CES5A: variants seen among roughly 807,000 people sequenced by gnomAD.
CES5A encodes carboxylesterase 5A.
In CES5A, 67 loss-of-function variants were observed where a neutral mutation model predicts 62.9. The ratio of observed to expected loss-of-function variants is 1.07; its 90% CI spans 0.88 to 1.31. CES5A has a LOEUF of 1.31. Among genes scored for constraint, CES5A ranks in the 50% most tolerant of loss-of-function variants. The pLI, the probability that CES5A is intolerant of heterozygous loss-of-function variation, is 0.00. For missense variants in CES5A, 748 were observed against 708.5 expected (o/e 1.06, Z -0.63); for synonymous variants, 296 against 280.8 (o/e 1.05, Z -0.54).
chr16:55,946,192 C>T (rs1330026714), intron 2 of CES5A, among the ~76,000 whole-genome samples: 1 of 152,160 alleles, frequency 6.6e-6, no homozygotes, highest in African/African-American at 2.4e-5. Context: ...TTTGACAAGA[C>T]TCAATTCTAA....
upstream of CES5A, among the ~76,000 whole-genome samples, chr16:55,876,660 T>A (rs1015974869): frequency 2.6e-5 from 4 of 152,146 alleles, no homozygotes; most frequent in African/African-American, 9.7e-5. Flanking sequence ...TAGTGAAGGG[T>A]TCTCCAGGAG....
chr16:55,955,002 A>G (rs1361166626), intron 1 of CES5A, among the ~76,000 whole-genome samples: 6 of 152,152 alleles, frequency 3.9e-5, no homozygotes, highest in Non-Finnish European at 5.9e-5. Context: ...AAATTGTCCA[A>G]ATGTCCTCCA....
chr16:55,871,976 G>A (rs2033599208), intron 2 of CES5A: 2 of 517,332 alleles, frequency 3.9e-6, no homozygotes, highest in African/African-American at 1.9e-5. Flanking sequence ...TGGTTCCTGG[G>A]TAGGAAAGCA....
upstream of CES5A, among the ~76,000 whole-genome samples, chr16:55,927,617 A>G (rs1350797164): frequency 6.6e-6 from 1 of 152,186 alleles, no homozygotes; most frequent in African/African-American, 2.4e-5. Context: ...TCAAAAATCA[A>G]TAGATGTTGG....
At chr16:55,882,969 TA>T (rs2033777065) in intron 1 of CES5A, among the ~76,000 whole-genome samples, 1 of 152,220 alleles carries the variant, frequency 6.6e-6, no homozygotes, top group African/African-American at 2.4e-5. Flanking sequence ...GAGAGGCAGC[TA>T]ACCCTGTAAC....
chr16:55,900,999 T>C lies in CES5A; in HGVS notation c.-256+24324A>G, dbSNP rs143150778. On this transcript the variant is annotated intron_variant, in intron 1 of 12. Coordinates refer to the CES5A transcript ENST00000518005. ...GAGAGCTGCCCACCTCTCTCATACC[T>C]AGGCCAGGGGCCTCATATGGTTTGG... 2.3e-3 allele frequency among the ~76,000 whole-genome samples: 350 copies of C among 152,308 alleles called. 1 individual carries two copies. The highest frequency in any genetic ancestry group is 7.9e-3 in the African/African-American group (328 of 41,562).
chr16:55,924,729 A>C (rs571931673), intron 1 of CES5A, among the ~76,000 whole-genome samples: 1 of 152,140 alleles, frequency 6.6e-6, no homozygotes, highest in Admixed American at 6.5e-5. Flanking sequence ...AGACACATAG[A>C]CCAATGAAAC....
At chr16:55,869,227 C>T (rs558293427) in intron 4 of CES5A, among the ~76,000 whole-genome samples, 4 of 152,302 alleles carry the variant, frequency 2.6e-5, no homozygotes, top group South Asian at 2.1e-4. Flanking sequence ...CACCTGCAGG[C>T]TGGGCCAGGA....
At chr16:55,931,518 T>C (rs780048087) in intron 2 of CES5A, among the ~76,000 whole-genome samples, 6 of 152,180 alleles carry the variant, frequency 3.9e-5, no homozygotes, top group Non-Finnish European at 8.8e-5. Flanking sequence ...CTCCACCCTA[T>C]CTCTTGCTAT....
At chr16:55,849,833 G>C (rs2033094421) in intron 10 of CES5A, 60 bp from the exon 11 acceptor site, 24 of 1,572,632 alleles carry the variant, frequency 1.5e-5, no homozygotes, top group Non-Finnish European at 2.1e-5. Flanking sequence ...GGCTGGCTCT[G>C]TGTCCCCACC....
intron 1 of CES5A, among the ~76,000 whole-genome samples, chr16:55,951,773 C>T (rs757070307): frequency 5.9e-5 from 9 of 152,112 alleles, no homozygotes; most frequent in Non-Finnish European, 8.8e-5. Context: ...TTTATGCACC[C>T]AATAACTTAG....
At chr16:55,856,142 A>G (rs566989537) in intron 9 of CES5A, among the ~76,000 whole-genome samples, 2 of 152,240 alleles carry the variant, frequency 1.3e-5, no homozygotes, top group South Asian at 4.2e-4. Flanking sequence ...CTTCCTGTAC[A>G]GCCTGCAGCA....
At chr16:55,883,668 A>G (rs964940837) in intron 1 of CES5A, among the ~76,000 whole-genome samples, 1 of 152,136 alleles carries the variant, frequency 6.6e-6, no homozygotes, top group African/African-American at 2.4e-5. Context: ...TAACTTGGCC[A>G]TGAAGTGGGA....
At chr16:55,916,723 G>T (rs1420977610) in intron 1 of CES5A, among the ~76,000 whole-genome samples, 2 of 152,118 alleles carry the variant, frequency 1.3e-5, no homozygotes, top group African/African-American at 4.8e-5. Context: ...AGTAAACACA[G>T]CTTTAGTGGA....
At chr16:55,865,789 T>C (rs2033444331) in intron 5 of CES5A, among the ~76,000 whole-genome samples, 174 bp downstream of exon 5, 1 of 152,162 alleles carries the variant, frequency 6.6e-6, no homozygotes, top group Non-Finnish European at 1.5e-5. Context: ...AGCTGTCCTG[T>C]ATGTGAAATG....
rs117569764 is a variant in CES5A, at chr16:55,944,816, G to A, written c.160+4969C>T. 5.5e-3 allele frequency among the ~76,000 whole-genome samples: 838 copies of A among 152,134 alleles called. 4 individuals carry two copies. The highest frequency in any genetic ancestry group is 9.2e-3 in the Non-Finnish European group (628 of 68,002). ...CAGCCATACTTGAAGTGAATTTCTC[G>A]TCCTGCCTTTAAATCTCAATCTCAT... On this transcript the variant is annotated intron_variant, in intron 2 of 13. Coordinates refer to the CES5A transcript ENST00000521992.
intron 6 of CES5A, among the ~76,000 whole-genome samples, chr16:55,861,928 G>A (rs1265901695): frequency 2.0e-5 from 3 of 152,110 alleles, no homozygotes; most frequent in Non-Finnish European, 4.4e-5. Flanking sequence ...AGCTTTGGAA[G>A]CTCCTTCATT....
upstream of CES5A, among the ~76,000 whole-genome samples, chr16:55,876,852 G>A (rs1276628370): frequency 6.6e-6 from 1 of 152,190 alleles, no homozygotes; most frequent in African/African-American, 2.4e-5. Context: ...TACCAACCTG[G>A]CTGGGAGCTA....
upstream of CES5A, among the ~76,000 whole-genome samples, chr16:55,878,842 C>G (rs2033728312): frequency 1.3e-5 from 2 of 149,266 alleles, no homozygotes; most frequent in Admixed American, 1.3e-4. Context: ...CACTGCACCC[C>G]CACCACTACC....
Sources: allele counts gnomAD v4.1 joint callset (sites outside exome capture counted in the v4.1 genomes callset), GRCh38; gene constraint gnomAD v4.1.1; transcripts MANE v1.5; gene names NCBI Gene and HGNC (gene_info 2026-07-23, HGNC 2026-07-21).